SHROOM4: variants seen among roughly 807,000 people sequenced by gnomAD.
SHROOM4 encodes shroom family member 4, also known as protein Shroom4.
SHROOM4 carries 17 observed loss-of-function variants against 80.3 expected under a neutral mutation model. The observed-to-expected ratio is 0.21, with a 90% CI of 0.14 to 0.32. The LOEUF (loss-of-function observed/expected upper bound fraction) is 0.32, where lower values mean the gene tolerates loss of function less well. Ranked by LOEUF, SHROOM4 falls within the 10% of genes least tolerant of loss-of-function variation. The pLI is 1.00. For missense variants in SHROOM4, 993 were observed against 1,140.3 expected (o/e 0.87, Z 1.86); for synonymous variants, 400 against 437.5 (o/e 0.91, Z 1.07).
chrX:50,764,405 GA>G, intron 1 of SHROOM4, among the ~76,000 whole-genome samples: 1 of 93,880 alleles, frequency 1.1e-5, no homozygotes, highest in Middle Eastern at 4.8e-3. Flanking sequence ...CGAGTGGGGG[GA>G]AAAAGAGCAG....
At chrX:50,675,342 A>T (rs782442484) in intron 2 of SHROOM4, among the ~76,000 whole-genome samples, 1 of 111,671 alleles carries the variant, frequency 9.0e-6, no homozygotes, top group South Asian at 3.8e-4. Context: ...CTTACAATAA[A>T]AGTTTTGAAA....
At chrX:50,758,208 C>G (rs1287737873) in intron 1 of SHROOM4, among the ~76,000 whole-genome samples, 5 of 111,409 alleles carry the variant, frequency 4.5e-5, no homozygotes, top group Non-Finnish European at 9.4e-5. Flanking sequence ...GACAAATTAG[C>G]TTTTTTTGTC....
At chrX:50,750,965 C>T (rs1161634207) in intron 1 of SHROOM4, among the ~76,000 whole-genome samples, 1 of 112,212 alleles carries the variant, frequency 8.9e-6, no homozygotes, top group African/African-American at 3.2e-5. Flanking sequence ...CCATATTCAA[C>T]AATAGGAGTT....
intron 1 of SHROOM4, among the ~76,000 whole-genome samples, chrX:50,765,678 A>G (rs1935259858): frequency 8.9e-6 from 1 of 112,190 alleles, no homozygotes; most frequent in African/African-American, 3.2e-5. Context: ...GATCCCAAAT[A>G]TCAAATGGTG....
chrX:50,610,304 CT>C (rs782228144), intron 5 of SHROOM4, among the ~76,000 whole-genome samples: 2 of 107,099 alleles, frequency 1.9e-5, no homozygotes, highest in Non-Finnish European at 3.8e-5. Context: ...ATAACAATCC[CT>C]TTTGTGCAAA....
chrX:50,677,562 T>C (rs1932869416), intron 2 of SHROOM4, among the ~76,000 whole-genome samples: 1 of 111,292 alleles, frequency 9.0e-6, no homozygotes, highest in African/African-American at 3.3e-5. Context: ...AGTATCTGCA[T>C]GCTCTCATTT....
At chrX:50,738,503 G>T (rs782434286) in intron 1 of SHROOM4, among the ~76,000 whole-genome samples, 1 of 111,515 alleles carries the variant, frequency 9.0e-6, no homozygotes, top group Non-Finnish European at 1.9e-5. Flanking sequence ...AAATCAATGT[G>T]CAAAAATCAC....
rs1928988675 is a variant in SHROOM4 at position 50,593,962 on chromosome X, C to A, written c.*2733G>T. On this transcript the variant is annotated 3_prime_UTR_variant, in exon 9 of 9. Transcript: ENST00000376020. ...TCAGGAAGATTCAATTATCCAGAGC[C>A]CTGGGAGGTGGCAGGAGGGGTTGGG... 1 of 112,041 alleles carries A rather than the reference C, an allele frequency of 8.9e-6. No homozygotes were observed. Among genetic ancestry groups the A allele is most frequent in the Non-Finnish European group, 1.9e-5 (1 of 53,365 alleles). 9.2% of individuals were successfully genotyped at this position (112,041 alleles called of 1,213,427 possible).
At position 50,633,310 on chromosome X, in the gene SHROOM4, G is replaced by A. The variant is rs782133531; in HGVS notation, c.2763C>T (p.Cys921=). 8.3e-6 allele frequency: 10 copies of A among 1,209,267 alleles called. No homozygotes were observed. The highest frequency in any genetic ancestry group is 1.1e-5 in the Non-Finnish European group (10 of 895,073). ...GGTGGTGGTGGCACCGGCAGTTGTA[G>A]CAATTTGGCATCATATTTCTCTTTA... ...ALLKRNMMPN[C]YNCRCHHHQC... Residue 921 remains cysteine (C), a synonymous_variant, in exon 4 of 9, where the codon TGC becomes TGT. Coordinates refer to ENST00000376020, the MANE Select transcript of SHROOM4 (RefSeq NM_020717.5).
At chrX:50,707,223 C>T (rs143442851) in intron 1 of SHROOM4, among the ~76,000 whole-genome samples, 248 of 112,113 alleles carry the variant, frequency 2.2e-3, no homozygotes, top group Non-Finnish European at 1.8e-3. Context: ...AATGAGTTTG[C>T]CCTGACCCAA....
chrX:50,799,194 A>AC (rs1936071473), intron 1 of SHROOM4, among the ~76,000 whole-genome samples: 3 of 112,912 alleles, frequency 2.7e-5, no homozygotes, highest in African/African-American at 9.6e-5. Context: ...TGCTTCTCTC[A>AC]CCAATGCCTG....
intron 1 of SHROOM4, among the ~76,000 whole-genome samples, chrX:50,768,126 G>A (rs782131508): frequency 8.9e-6 from 1 of 112,049 alleles, no homozygotes; most frequent in African/African-American, 3.2e-5. Context: ...TTGGTTCTAA[G>A]TTGGAGGTTT....
intron 1 of SHROOM4, among the ~76,000 whole-genome samples, chrX:50,800,075 G>A (rs182807032): frequency 8.9e-6 from 1 of 111,943 alleles, no homozygotes; most frequent in African/African-American, 3.2e-5. Context: ...CTCAACTTCT[G>A]TCCCCAACAT....
chrX:50,637,204 C>T (rs868938114), intron 3 of SHROOM4, among the ~76,000 whole-genome samples: 1 of 111,783 alleles, frequency 8.9e-6, no homozygotes, highest in African/African-American at 3.3e-5. Context: ...TTGACTAGAA[C>T]CCGAGAGGTT....
At chrX:50,643,431 G>A (rs1193779555) in intron 2 of SHROOM4, 1 of 110,938 alleles carries the variant, frequency 9.0e-6, no homozygotes, top group Non-Finnish European at 1.9e-5. Flanking sequence ...CTGCCCTCCA[G>A]TTAAGACCTT....
intron 2 of SHROOM4, among the ~76,000 whole-genome samples, chrX:50,644,548 T>C (rs1931748721): frequency 8.9e-6 from 1 of 111,947 alleles, no homozygotes; most frequent in Non-Finnish European, 1.9e-5. Flanking sequence ...CTTGGGGAAT[T>C]AGAGTCAGGG....
In SHROOM4 at chrX:50,608,036, C is replaced by T; in HGVS notation, c.3106G>A (p.Glu1036Lys). The change falls in exon 6 of 9, where the codon GAA becomes AAA. Residue 1036 changes from glutamate to lysine, a missense_variant. Physicochemically the swap from Glu to Lys is moderately conservative, Grantham distance 56. Coordinates refer to ENST00000376020, the MANE Select transcript of SHROOM4 (RefSeq NM_020717.5). Reference protein sequence around the residue: ...DFKHALKKSEETSVYEEGSSL... With the variant: ...DFKHALKKSEKTSVYEEGSSL... Reference sequence around the variant, plus strand: ...CTCCCCTCCTCATAAACTGAAGTTTCCTCTGATTTTTTCAAAGCATGTTTG... The same window carrying T: ...CTCCCCTCCTCATAAACTGAAGTTTTCTCTGATTTTTTCAAAGCATGTTTG... The T allele has an allele frequency of 8.3e-7, 1 of 1,211,545 alleles. No homozygotes were observed. The highest frequency in any genetic ancestry group is 1.1e-6 in the Non-Finnish European group (1 of 895,475).
chrX:50,650,299 T>C (rs1931991733), intron 2 of SHROOM4, among the ~76,000 whole-genome samples: 2 of 112,369 alleles, frequency 1.8e-5, no homozygotes, highest in South Asian at 7.3e-4. Flanking sequence ...TTTTTCATAC[T>C]TTTAAATCAT....
At chrX:50,578,367 C>A in the SHROOM4 span, among the ~76,000 whole-genome samples, 2 of 112,415 alleles carry the variant, frequency 1.8e-5, no homozygotes, top group South Asian at 7.4e-4. Context: ...AGTACAGTGG[C>A]GTGATCTCGA....
Sources: allele counts gnomAD v4.1 joint callset (sites outside exome capture counted in the v4.1 genomes callset), GRCh38; gene constraint gnomAD v4.1.1; transcripts MANE v1.5; gene names NCBI Gene and HGNC (gene_info 2026-07-23, HGNC 2026-07-21).